The following DOCK1 variants were observed in gnomAD, a reference collection of about 807,000 sequenced individuals.
DOCK1 encodes dedicator of cytokinesis 1, also known as dedicator of cytokinesis protein 1.
A neutral mutation model predicts 262.7 loss-of-function variants in DOCK1; 138 were observed. The observed-to-expected ratio is 0.53, with a 90% confidence interval of 0.46 to 0.61. DOCK1 has a LOEUF of 0.61. Among genes scored for constraint, DOCK1 ranks in the 20% least tolerant of loss-of-function variants. The probability of loss-of-function intolerance (pLI) is 0.00; values close to 1 mark genes in which losing one functional copy is unlikely to be tolerated. For missense variants in DOCK1, 1,908 were observed against 2,370.7 expected, an observed-to-expected ratio of 0.80 and a Z score of 4.05; for synonymous variants, 866 against 867.4, an observed-to-expected ratio of 1.00 and a Z score of 0.03.
chr10:127,449,538 G>A (rs905815263), intron 51 of DOCK1, among the ~76,000 whole-genome samples: 5 of 152,210 alleles, frequency 3.3e-5, no homozygotes, highest in African/African-American at 9.7e-5. Flanking sequence ...GATAAAGGGC[G>A]TGTGAATTCA....
intron 1 of DOCK1, among the ~76,000 whole-genome samples, chr10:126,967,343 A>T (rs1219422131): frequency 6.6e-6 from 1 of 152,166 alleles, no homozygotes; most frequent in Non-Finnish European, 1.5e-5. Flanking sequence ...TCATTTAAAA[A>T]AATTCCCTAC....
chr10:127,031,749 A>C lies in DOCK1; in HGVS notation c.1724A>C (p.Tyr575Ser), dbSNP rs373756074. Reference sequence around the variant, plus strand: ...GACGGAGAGCACGATCTTATCGTCTATAAGGTATCTGGTTGCATTGGTGCA... The same window carrying C: ...GACGGAGAGCACGATCTTATCGTCTCTAAGGTATCTGGTTGCATTGGTGCA... ...LRDGEHDLIV[Y>S]KAEAKKLEDA... The change falls in exon 17 of 52, where the codon TAT becomes TCT. Residue 575 changes from tyrosine to serine, a missense_variant. Physicochemically the swap from Tyr to Ser is moderately radical, Grantham distance 144. Coordinates refer to ENST00000623213, the MANE Select transcript of DOCK1 (RefSeq NM_001290223.2). 7 of 1,611,578 alleles carry C rather than the reference A, an allele frequency of 4.3e-6. No homozygotes were observed. The highest frequency in any genetic ancestry group is 5.9e-6 in the Non-Finnish European group (7 of 1,179,270).
intron 1 of DOCK1, among the ~76,000 whole-genome samples, chr10:126,917,683 T>G (rs1019792693): frequency 2.0e-5 from 3 of 152,028 alleles, no homozygotes; most frequent in African/African-American, 7.2e-5. Context: ...CCCCGGGCTG[T>G]GGGGACAAGA....
intron 38 of DOCK1, among the ~76,000 whole-genome samples, chr10:127,397,526 G>A (rs925709757): frequency 7.7e-4 from 116 of 149,842 alleles, no homozygotes; most frequent in African/African-American, 2.8e-3. Context: ...TGAGTTACAC[G>A]GGCGGTGTCT....
At chr10:126,915,365 C>T (rs954142044) in intron 1 of DOCK1, among the ~76,000 whole-genome samples, 4 of 149,712 alleles carry the variant, frequency 2.7e-5, no homozygotes, top group African/African-American at 9.8e-5. Context: ...TCAGGATATT[C>T]TTCAGGGTAT....
intron 27 of DOCK1, among the ~76,000 whole-genome samples, chr10:127,233,535 T>A (rs1043903964): frequency 6.6e-6 from 1 of 152,188 alleles, no homozygotes; most frequent in African/African-American, 2.4e-5. Context: ...ATTAACTTAC[T>A]CCAGGTACCA....
At chr10:127,161,196 C>T (rs1441324242) in intron 27 of DOCK1, among the ~76,000 whole-genome samples, 2 of 152,170 alleles carry the variant, frequency 1.3e-5, no homozygotes, top group Non-Finnish European at 2.9e-5. Context: ...TTAGACTTCA[C>T]CATATACTCA....
At chr10:127,201,895 A>C (rs1030034946) in intron 27 of DOCK1, among the ~76,000 whole-genome samples, 1 of 152,180 alleles carries the variant, frequency 6.6e-6, no homozygotes, top group Admixed American at 6.5e-5. Flanking sequence ...CAACCTCTTC[A>C]GCACAGGTAG....
chr10:127,072,031 CT>C (rs981375245), intron 23 of DOCK1, among the ~76,000 whole-genome samples: 2 of 152,188 alleles, frequency 1.3e-5, no homozygotes, highest in South Asian at 2.1e-4. Context: ...TCTCCCACCC[CT>C]GATCTTGTTC....
chr10:127,415,080 C>T, intron 43 of DOCK1, 72 bp from the exon 44 acceptor site: 1 of 1,404,288 alleles, frequency 7.1e-7, no homozygotes, highest in Non-Finnish European at 9.9e-7. Flanking sequence ...TCTATAAATC[C>T]CCCTTAGGGC....
chr10:127,032,068 A>T, intron 17 of DOCK1, 69 bp from the exon 18 acceptor site: 1 of 1,538,130 alleles, frequency 6.5e-7, no homozygotes, highest in Non-Finnish European at 8.8e-7. Flanking sequence ...AGGGATAACA[A>T]AGGGTGGCAA....
intron 18 of DOCK1, among the ~76,000 whole-genome samples, chr10:127,032,850 C>T (rs950513034): frequency 2.0e-5 from 3 of 152,240 alleles, no homozygotes; most frequent in African/African-American, 7.2e-5. Context: ...AGCCACTGTG[C>T]CCAGCTGTAT....
At chr10:126,909,429 C>T (rs1469323578) in intron 1 of DOCK1, among the ~76,000 whole-genome samples, 1 of 152,268 alleles carries the variant, frequency 6.6e-6, no homozygotes, top group East Asian at 1.9e-4. Context: ...TGGTTTTAAG[C>T]TGGCTGGGTT....
intron 44 of DOCK1, among the ~76,000 whole-genome samples, chr10:127,417,563 G>A (rs916203601): frequency 6.6e-6 from 1 of 152,258 alleles, no homozygotes; most frequent in South Asian, 2.1e-4. Context: ...GACCCCAGGG[G>A]CCATGAGCTC....
Position 127,183,071 on chromosome 10 carries a change from CTTTTTTTTTTT to C in DOCK1, c.2847+55322_2847+55332del, listed in dbSNP as rs3066813. On this transcript the variant is annotated intron_variant, in intron 27 of 51. Coordinates refer to ENST00000623213, the MANE Select transcript of DOCK1 (RefSeq NM_001290223.2). ...CTTTGCCTTCCTGATTATGGTGAAT[CTTTTTTTTTTT>C]TTTTTTTTTTTTTTAACTAAACAGC... Among the ~76,000 whole-genome samples, 6 of 88,634 alleles carry C rather than the reference CTTTTTTTTTTT, an allele frequency of 6.8e-5. No individual in the cohort carries two copies. In the South Asian group the frequency reaches 2.4e-3, roughly 35 times the overall value. 58.1% of individuals were successfully genotyped at this position (88,634 alleles called of 152,430 possible).
chr10:127,413,080 G>A (rs1316888967), intron 43 of DOCK1, among the ~76,000 whole-genome samples: 16 of 152,136 alleles, frequency 1.1e-4, no homozygotes, highest in African/African-American at 1.2e-4. Flanking sequence ...AAGCACTAAC[G>A]CTAGTGTTTA....
At chr10:127,333,135 A>T (rs2063054964) in intron 29 of DOCK1, among the ~76,000 whole-genome samples, 2 of 152,192 alleles carry the variant, frequency 1.3e-5, no homozygotes, top group African/African-American at 4.8e-5. Context: ...GTGTTAAAAG[A>T]TACATCGTCT....
intron 29 of DOCK1, among the ~76,000 whole-genome samples, chr10:127,273,389 G>A (rs2060635337): frequency 6.6e-6 from 1 of 152,154 alleles, no homozygotes; most frequent in East Asian, 1.9e-4. Flanking sequence ...GGCAGCTTTA[G>A]CTCAGACTCT....
At chr10:127,043,003 G>C in intron 20 of DOCK1, 61 bp from the exon 21 acceptor site, 1 of 1,330,050 alleles carries the variant, frequency 7.5e-7, no homozygotes, top group Non-Finnish European at 1.1e-6. Flanking sequence ...TGGTTCTGAT[G>C]AAGATTATAA....
Sources: gnomAD v4.1 joint callset for allele counts (sites outside exome capture counted in the v4.1 genomes callset) on GRCh38, gnomAD v4.1.1 for gene constraint, MANE v1.5 for transcripts, NCBI Gene and HGNC (gene_info 2026-07-23, HGNC 2026-07-21) for gene names.